Variants in MAK observed in about 807,000 individuals in gnomAD.
MAK encodes male germ cell associated kinase, also known as serine/threonine-protein kinase MAK.
A neutral mutation model predicts 82.6 loss-of-function variants in MAK; 65 were observed. The ratio of observed to expected loss-of-function variants is 0.79; its 90% CI spans 0.64 to 0.97. The LOEUF is 0.97. MAK is among the 50% of genes least tolerant of loss of function. MAK has a pLI of 0.00. For synonymous variants in MAK, 250 were observed against 274.2 expected (o/e 0.91, Z 0.87); for missense variants, 703 against 780.2 (o/e 0.90, Z 1.18).
chr6:10,823,674 C>T lies in MAK; in HGVS notation c.102-4734G>A, dbSNP rs534744150. Reference sequence around the variant, plus strand: ...CCTCCTGAGTTGCTGGGATTACAGGCACACACGACCACACCCGGCTAATTT... The same window carrying T: ...CCTCCTGAGTTGCTGGGATTACAGGTACACACGACCACACCCGGCTAATTT... On this transcript the variant is annotated intron_variant, in intron 2 of 14. Transcript: ENST00000354489. Among the ~76,000 whole-genome samples, 11 of 152,240 alleles carry T rather than the reference C, an allele frequency of 7.2e-5. No individual in the cohort carries two copies. In the South Asian group the frequency reaches 1.2e-3, roughly 17 times the overall value.
Position 10,796,182 on chromosome 6 carries a change from T to C in MAK, c.959A>G (p.Glu320Gly). The C allele has an allele frequency of 6.2e-7, 1 of 1,614,196 alleles. No individual in the cohort carries two copies. The highest frequency in any genetic ancestry group is 8.5e-7 in the Non-Finnish European group (1 of 1,180,034). The change falls in exon 9 of 15, where the codon GAG (glutamate) becomes GGG (glycine). Residue 320 changes from glutamate (E) to glycine (G), a missense_variant. Glu to Gly is a moderately conservative substitution (Grantham distance 98). Transcript: ENST00000354489. ...GATTATATCCGGCAGAGGCTTAGGC[T>C]CTACCTCAACTAAAGATGGCTTTGA... ...LESKPSLVEV[E>G]PKPLPDIIDQ... is the part of the protein sequence containing the mutation.
chr6:10,817,129 A>AGTATGTGT (rs1554184783), intron 4 of MAK, among the ~76,000 whole-genome samples: 1 of 149,840 alleles, frequency 6.7e-6, no homozygotes, highest in Non-Finnish European at 1.5e-5. Context: ...CTTGAGCGAG[A>AGTATGTGT]GTGTGTGTGT....
chr6:10,799,989 A>G (rs966529723), intron 8 of MAK, among the ~76,000 whole-genome samples: 8 of 152,056 alleles, frequency 5.3e-5, no homozygotes, highest in Non-Finnish European at 1.5e-5. Context: ...CGGAGGGTGT[A>G]GTGAACCGAG....
intron 14 of MAK, among the ~76,000 whole-genome samples, chr6:10,767,798 A>C (rs1036261770): frequency 6.6e-6 from 1 of 150,536 alleles, no homozygotes; most frequent in Admixed American, 6.6e-5. Context: ...CTCAAAAAAA[A>C]AAAAAAAAAA....
At chr6:10,787,875 A>G (rs967159606) in intron 10 of MAK, among the ~76,000 whole-genome samples, 16 of 137,166 alleles carry the variant, frequency 1.2e-4, no homozygotes, top group South Asian at 4.8e-4. Flanking sequence ...AAAAAAAAAA[A>G]GTAGAAGAAA....
chr6:10,822,034 C>T (rs1455807138), intron 2 of MAK, among the ~76,000 whole-genome samples: 1 of 150,104 alleles, frequency 6.7e-6, no homozygotes, highest in Non-Finnish European at 1.5e-5. Context: ...GTAGTCCCAG[C>T]TACTTGGGAG....
At chr6:10,772,258 A>C (rs914787482) in intron 13 of MAK, among the ~76,000 whole-genome samples, 2 of 152,176 alleles carry the variant, frequency 1.3e-5, no homozygotes, top group Non-Finnish European at 2.9e-5. Context: ...GATTGCAGCC[A>C]GTTGTTAGCA....
intron 2 of MAK, among the ~76,000 whole-genome samples, chr6:10,822,354 G>A (rs780623926): frequency 5.3e-5 from 8 of 151,108 alleles, no homozygotes; most frequent in Admixed American, 1.3e-4. Flanking sequence ...CTTGGGAGAC[G>A]GAGGCAGGAG....
chr6:10,813,136 AT>A (rs869114611), intron 5 of MAK, among the ~76,000 whole-genome samples: 12 of 728 alleles, frequency 0.016, no homozygotes, highest in African/African-American at 0.045. Context: ...ATATATATAA[AT>A]TTTTTTTTTT....
chr6:10,808,103 A>G (rs1189535371), intron 6 of MAK, among the ~76,000 whole-genome samples: 1 of 152,110 alleles, frequency 6.6e-6, no homozygotes, highest in Non-Finnish European at 1.5e-5. Context: ...AGCACCCAGA[A>G]GGCCCCTTGT....
rs2127556217 is a variant in MAK, at chr6:10,801,976, AAG to A, written c.745_746del (p.Leu249TyrfsTer6). 1.2e-6 allele frequency: 2 copies of A among 1,614,164 alleles called. No homozygotes were observed. The highest frequency in any genetic ancestry group is 1.7e-6 in the Non-Finnish European group (2 of 1,180,012). On this transcript the variant is annotated frameshift_variant, in exon 8 of 15. Transcript: ENST00000354489. LOFTEE classifies it high-confidence loss of function. ...TAGCTTCATTACTGGCATTGGGAAT[AAG>A]AGTTTTTAAGTTTATAGGAACACAC... ...PQCVPINLKT[L>X]IPNASNEAIQ...
chr6:10,825,014 C>T (rs1295335270), intron 2 of MAK, among the ~76,000 whole-genome samples: 3 of 152,194 alleles, frequency 2.0e-5, no homozygotes, highest in Non-Finnish European at 4.4e-5. Flanking sequence ...AGAGAGACCA[C>T]GTGACCCAAT....
intron 14 of MAK, among the ~76,000 whole-genome samples, chr6:10,766,093 G>C (rs1772409567): frequency 1.3e-5 from 2 of 152,162 alleles, no homozygotes; most frequent in Admixed American, 6.5e-5. Context: ...TATCTGAGGA[G>C]GGATGTCTGC....
At chr6:10,796,754 C>G (rs1040350102) in intron 8 of MAK, among the ~76,000 whole-genome samples, 1 of 146,226 alleles carries the variant, frequency 6.8e-6, no homozygotes, top group Non-Finnish European at 1.5e-5. Context: ...TGTAGTGAGC[C>G]AAGATTGTGC....
At chr6:10,797,994 A>C in intron 8 of MAK, 1 of 1,037,248 alleles carries the variant, frequency 9.6e-7, no homozygotes, top group Non-Finnish European at 1.2e-6. Flanking sequence ...CAAATTCTGA[A>C]TTAAGTCACA....
chr6:10,784,475 T>C lies in MAK; in HGVS notation c.1414A>G (p.Thr472Ala), dbSNP rs760262193. 28 of 1,614,090 alleles carry C rather than the reference T, an allele frequency of 1.7e-5. No individual in the cohort carries two copies. The highest frequency in any genetic ancestry group is 4.0e-5 in the African/African-American group (3 of 74,938). The change falls in exon 11 of 15, where the codon ACT (threonine) becomes GCT (alanine). Residue 472 changes from threonine to alanine, a missense_variant. Transcript: ENST00000354489. Reference sequence around the variant, plus strand: ...TAGTACTGTTTAGAGGTTGGAGCAGTTGACAATTCGGAATCAGATTTTAGG... The same window carrying C: ...TAGTACTGTTTAGAGGTTGGAGCAGCTGACAATTCGGAATCAGATTTTAGG... ...TSLKSDSELS[T>A]APTSKQYYLK...
At position 10,770,188 on chromosome 6, in the gene MAK, A is replaced by G. The variant is rs79544660; in HGVS notation, c.1715T>C (p.Ile572Thr). 3.5e-3 allele frequency: 5,638 copies of G among 1,614,144 alleles called. 26 individuals are homozygous for G. The highest frequency in any genetic ancestry group is 0.011 in the Middle Eastern group (69 of 6,062). Residue 572 changes from isoleucine (I) to threonine (T), a missense_variant, in exon 14 of 15, where the codon ATT becomes ACT. Coordinates refer to ENST00000354489, the MANE Select transcript of MAK (RefSeq NM_001242957.3). Reference sequence around the variant, plus strand: ...CACTTCTTTTTTGAGAAAGGAAGGAATATATCCTGACTGATTGTAAGTAGC... The same window carrying G: ...CACTTCTTTTTTGAGAAAGGAAGGAGTATATCCTGACTGATTGTAAGTAGC... Reference protein sequence around the residue: ...SYATYNQSGYIPSFLKKEVQS... With the variant: ...SYATYNQSGYTPSFLKKEVQS...
intron 10 of MAK, among the ~76,000 whole-genome samples, chr6:10,787,181 G>A (rs938130381): frequency 1.4e-4 from 21 of 150,792 alleles, no homozygotes; most frequent in East Asian, 4.0e-4. Flanking sequence ...TCACCACTCC[G>A]CTAATTCACC....
chr6:10,822,798 C>T (rs1778061973), intron 2 of MAK, among the ~76,000 whole-genome samples: 1 of 152,114 alleles, frequency 6.6e-6, no homozygotes, highest in Non-Finnish European at 1.5e-5. Flanking sequence ...ATAGAACTAC[C>T]TCTCAAGTTC....
Sources: gnomAD v4.1 joint callset for allele counts (sites outside exome capture counted in the v4.1 genomes callset) on GRCh38, gnomAD v4.1.1 for gene constraint, MANE v1.5 for transcripts, NCBI Gene and HGNC (gene_info 2026-07-23, HGNC 2026-07-21) for gene names.